The following ADAM21 variants were observed in gnomAD, a reference collection of about 807,000 sequenced individuals.
ADAM21 encodes the protein disintegrin and metalloproteinase domain-containing protein 21.
For missense variants in ADAM21, 678 were observed against 874.4 expected (o/e 0.78, Z 2.83); for synonymous variants, 262 against 306.0 (o/e 0.86, Z 1.50).
chr14:70,452,439 G>C (rs538411365), intron 1 of ADAM21, among the ~76,000 whole-genome samples, 176 bp downstream of exon 1: 20 of 152,202 alleles, frequency 1.3e-4, no homozygotes, highest in Admixed American at 5.2e-4. Context: ...GATCTCAGCT[G>C]ACTGCAAGCT....
At chr14:70,454,098 T>A (rs140939149) in intron 1 of ADAM21, among the ~76,000 whole-genome samples, 1 of 152,290 alleles carries the variant, frequency 6.6e-6, no homozygotes, top group East Asian at 1.9e-4. Context: ...GCTGGCACTA[T>A]ACATAAATGA....
In ADAM21 at chr14:70,456,012, T is replaced by C. The variant is rs1278521444; in HGVS notation, c.-151-1337T>C. On this transcript the variant is annotated intron_variant, in intron 1 of 1. Transcript: ENST00000603540. ...AGTGAGGATCCCTGAAGCATAAACT[T>C]TGTCTGGTTTTGATCATATTATATT... Among the ~76,000 whole-genome samples, 7 of 152,222 alleles carry C rather than the reference T, an allele frequency of 4.6e-5. No homozygotes were observed. In the East Asian group the frequency reaches 1.4e-3, roughly 29 times the overall value.
chr14:70,458,396 A>T lies in ADAM21; in HGVS notation c.897A>T (p.Ile299=), dbSNP rs1882460175. The T allele has an allele frequency of 1.9e-6, 3 of 1,614,108 alleles. No individual in the cohort carries two copies. The highest frequency in any genetic ancestry group is 1.3e-5 in the African/African-American group (1 of 74,940). The change falls in exon 2 of 2, where the codon ATA becomes ATT. Residue 299 remains isoleucine, a synonymous_variant. Transcript: ENST00000603540. The part of the protein sequence containing the change: ...QLQHDAAHMF[I]KNSLISILGL... ...AGCATGATGCTGCACATATGTTCAT[A>T]AAAAATTCACTTATAAGTATACTTG...
chr14:70,459,540 G>A lies in ADAM21; in HGVS notation c.2041G>A (p.Gly681Arg), dbSNP rs150287047. 44 of 1,614,206 alleles carry A rather than the reference G, an allele frequency of 2.7e-5. No individual in the cohort carries two copies. The African/African-American group carries it at 3.6e-4, about 13-fold the overall frequency. Residue 681 changes from glycine (G) to arginine (R), a missense_variant, in exon 2 of 2, where the codon GGA becomes AGA. Physicochemically the swap from Gly to Arg is moderately radical, Grantham distance 125 (BLOSUM62 -2). Coordinates refer to ENST00000603540, the MANE Select transcript of ADAM21 (RefSeq NM_003813.4). ...CAGTGGCCCAGCATCTGCAAAGAGA[G>A]GAGTTTTTTTGCCGCTGATTGTGAT... ...IDSGPASAKR[G>R]VFLPLIVIPS...
In ADAM21 at chr14:70,459,489, C is replaced by G; in HGVS notation, c.1990C>G (p.His664Asp). 6.2e-7 allele frequency: 1 copy of G among 1,614,198 alleles called. No individual in the cohort carries two copies. Among genetic ancestry groups the G allele is most frequent in the Non-Finnish European group, 8.5e-7 (1 of 1,180,040 alleles). Residue 664 changes from histidine to aspartate, a missense_variant, in exon 2 of 2, where the codon CAC becomes GAC. By Grantham distance (81) the His-to-Asp change is moderately conservative. Transcript: ENST00000603540. ...GYGWSPPYCQ[H>D]RGYGGSIDSG... ...TGGGTGGTCCCCACCCTACTGCCAG[C>G]ACAGAGGCTATGGGGGCAGTATTGA...
chr14:70,457,328 T>C (rs1882427917), intron 1 of ADAM21, 21 bp from the exon 2 acceptor site: 1 of 954,240 alleles, frequency 1.0e-6, no homozygotes, highest in Admixed American at 2.5e-5. Context: ...TTCCAACCCA[T>C]CTTTTTATTT....
chr14:70,459,701 A>T lies in ADAM21; in HGVS notation c.*33A>T. ...TCTCTAACTTAATATTCCATGCATT[A>T]GTACACTTTAGTCTCTTGGCAGTAG... is the stretch of plus-strand genomic sequence containing the variant. On this transcript the variant is annotated 3_prime_UTR_variant, in exon 2 of 2. Transcript: ENST00000603540. The T allele has an allele frequency of 6.2e-7, 1 of 1,601,712 alleles. No individual in the cohort carries two copies. Among genetic ancestry groups the T allele is most frequent in the South Asian group, 1.1e-5 (1 of 89,200 alleles).
rs760827965 is a variant in ADAM21, at chr14:70,459,655, A to T, written c.2156A>T (p.His719Leu). The change falls in exon 2 of 2, where the codon CAT becomes CTT. Residue 719 changes from histidine (H) to leucine (L), a missense_variant. Transcript: ENST00000603540. The stretch of plus-strand genomic sequence containing the variant: ...TCTGGTCCCAAAGAAACTAAGGCTC[A>T]TTCATCAGGTTAAGAAAATGTCTCT... The part of the protein sequence containing the change: ...QCSGPKETKA[H>L]SSG The T allele has an allele frequency of 3.0e-5, 49 of 1,613,840 alleles. No homozygotes were observed. The South Asian group carries it at 4.3e-4, about 14-fold the overall frequency.
intron 1 of ADAM21, 22 bp downstream of exon 1, chr14:70,452,285 G>A (rs1418813478): frequency 6.6e-6 from 1 of 152,190 alleles, no homozygotes; most frequent in East Asian, 1.9e-4. Context: ...ATAAAGTTTG[G>A]TTCTATGCAT....
Position 70,457,330 on chromosome 14 carries a change from T to A in ADAM21, c.-151-19T>A. 3.0e-6 allele frequency: 3 copies of A among 990,234 alleles called. No homozygotes were observed. Among genetic ancestry groups the A allele is most frequent in the Non-Finnish European group, 3.0e-6 (2 of 672,602 alleles). 61.3% of individuals were successfully genotyped at this position (990,234 alleles called of 1,614,324 possible). ...TTACTTATCACCTTTCCAACCCATC[T>A]TTTTATTTTTACTTCCAGCACTGCA... is the stretch of plus-strand genomic sequence containing the variant. On this transcript the variant is annotated intron_variant, in intron 1 of 1. Transcript: ENST00000603540.
At position 70,459,352 on chromosome 14, in the gene ADAM21, T is replaced by C. The variant is rs377637349; in HGVS notation, c.1853T>C (p.Ile618Thr). 3.2e-5 allele frequency: 51 copies of C among 1,614,116 alleles called. No individual in the cohort carries two copies. Among genetic ancestry groups the C allele is most frequent in the Non-Finnish European group, 4.1e-5 (48 of 1,180,048 alleles). Residue 618 changes from isoleucine to threonine, a missense_variant, in exon 2 of 2, where the codon ATC becomes ACC. By Grantham distance (89) the Ile-to-Thr change is moderately conservative. Coordinates refer to ENST00000603540, the MANE Select transcript of ADAM21 (RefSeq NM_003813.4). ...GGTACTGTGTGTGGCCCAGGAAAGA[T>C]CTGCATCCATAAGAAGTGTGTCAGT... Reference protein sequence around the residue: ...KDGTVCGPGKICIHKKCVSLS... With the variant: ...KDGTVCGPGKTCIHKKCVSLS...
At position 70,458,255 on chromosome 14, in the gene ADAM21, C is replaced by T. The variant is rs1365665720; in HGVS notation, c.756C>T (p.Tyr252=). ...CCATGTATAAGCAGTTAGGTACTTA[C>T]ATAATTTTGATTGGAATTGAAATTT... The part of the protein sequence containing the change: ...VDSMYKQLGT[Y]IILIGIEIWN... The change falls in exon 2 of 2, where the codon TAC becomes TAT. Residue 252 remains tyrosine (Y), a synonymous_variant. Coordinates refer to ENST00000603540, the MANE Select transcript of ADAM21 (RefSeq NM_003813.4). 6 of 1,613,890 alleles carry T rather than the reference C, an allele frequency of 3.7e-6. No homozygotes were observed. Among genetic ancestry groups the T allele is most frequent in the Middle Eastern group, 1.7e-4 (1 of 6,060 alleles).
At chr14:70,455,252 G>T (rs1395925593) in intron 1 of ADAM21, among the ~76,000 whole-genome samples, 1 of 152,144 alleles carries the variant, frequency 6.6e-6, no homozygotes, top group African/African-American at 2.4e-5. Flanking sequence ...GATTGGTGTT[G>T]GGTCAGGCAT....
At position 70,459,295 on chromosome 14, in the gene ADAM21, T is replaced by A. The variant is rs1362624394; in HGVS notation, c.1796T>A (p.Met599Lys). ...TCWGIDYHLR[M>K]NISDIGEVKD... ...TGGGGTATTGACTATCATTTAAGGA[T>A]GAACATATCTGACATTGGTGAAGTG... Residue 599 changes from methionine (M) to lysine (K), a missense_variant, in exon 2 of 2, where the codon ATG (methionine) becomes AAG (lysine). Coordinates refer to ENST00000603540, the MANE Select transcript of ADAM21 (RefSeq NM_003813.4). The A allele has an allele frequency of 6.2e-7, 1 of 1,614,236 alleles. No individual in the cohort carries two copies. Among genetic ancestry groups the A allele is most frequent in the Admixed American group, 1.7e-5 (1 of 60,026 alleles).
chr14:70,458,384 A>G lies in ADAM21; in HGVS notation c.885A>G (p.Ala295=). The G allele has an allele frequency of 6.2e-7, 1 of 1,614,240 alleles. No homozygotes were observed. ...TTTCCCAGCTACAGCATGATGCTGC[A>G]CATATGTTCATAAAAAATTCACTTA... The part of the protein sequence containing the change: ...ISLSQLQHDA[A]HMFIKNSLIS... Residue 295 remains alanine, a synonymous_variant, in exon 2 of 2, where the codon GCA becomes GCG. Transcript: ENST00000603540.
chr14:70,456,416 G>C (rs766694538), intron 1 of ADAM21, among the ~76,000 whole-genome samples: 11 of 152,070 alleles, frequency 7.2e-5, no homozygotes, highest in Non-Finnish European at 1.6e-4. Context: ...AAAAACTGTT[G>C]GTAAATATAT....
chr14:70,456,908 G>A (rs1023834641), intron 1 of ADAM21, among the ~76,000 whole-genome samples: 1 of 152,144 alleles, frequency 6.6e-6, no homozygotes, highest in Non-Finnish European at 1.5e-5. Flanking sequence ...AGAAACTAAA[G>A]TATATCATAA....
intron 1 of ADAM21, among the ~76,000 whole-genome samples, chr14:70,453,023 C>G (rs1889059874): frequency 7.2e-6 from 1 of 139,300 alleles, no homozygotes; most frequent in Non-Finnish European, 1.6e-5. Context: ...ACCATTTTAT[C>G]TTTGAATTTG....
In ADAM21 at chr14:70,459,600, G is replaced by T; in HGVS notation, c.2101G>T (p.Val701Phe). Reference sequence around the variant, plus strand: ...GTCTGTTTTGACTTTCCTGTTTACTGTCGGGCTTCTTATGTATCTACGACA... The same window carrying T: ...GTCTGTTTTGACTTTCCTGTTTACTTTCGGGCTTCTTATGTATCTACGACA... ...SLSVLTFLFT[V>F]GLLMYLRQCS... The change falls in exon 2 of 2, where the codon GTC becomes TTC. Residue 701 changes from valine (V) to phenylalanine (F), a missense_variant. Transcript: ENST00000603540. The T allele has an allele frequency of 1.2e-6, 2 of 1,614,142 alleles. No individual in the cohort carries two copies. The highest frequency in any genetic ancestry group is 1.7e-6 in the Non-Finnish European group (2 of 1,180,018).
Sources: allele counts gnomAD v4.1 joint callset (sites outside exome capture counted in the v4.1 genomes callset), GRCh38; gene constraint gnomAD v4.1.1; transcripts MANE v1.5; gene names NCBI Gene and HGNC (gene_info 2026-07-23, HGNC 2026-07-21).